Variants in IL21R observed in about 807,000 individuals in gnomAD.
IL21R encodes the protein interleukin 21 receptor, also known as interleukin-21 receptor.
IL21R carries 14 observed loss-of-function variants against 41.3 expected under a neutral mutation model. The observed-to-expected ratio is 0.34, with a 90% CI of 0.22 to 0.53. The LOEUF (loss-of-function observed/expected upper bound fraction) is 0.53. Ranked by LOEUF, IL21R falls within the 20% of genes least tolerant of loss-of-function variation. The pLI is 0.94. For missense variants in IL21R, 588 were observed against 681.6 expected (o/e 0.86, Z 1.53); for synonymous variants, 286 against 287.6 (o/e 0.99, Z 0.05).
At chr16:27,431,583 C>T (rs560447225) in intron 2 of IL21R, among the ~76,000 whole-genome samples, 3 of 152,106 alleles carry the variant, frequency 2.0e-5, no homozygotes, top group Admixed American at 2.0e-4. Flanking sequence ...TTACTGCTCG[C>T]AGTTCTGGAG....
In IL21R at chr16:27,450,438, C is replaced by T. The variant is rs907031933; in HGVS notation, c.*1155C>T. Reference sequence around the variant, plus strand: ...CTGGGCCCCCTACCCTGCCCCAATTCAATCCTGCCAATAAATCCTGTCTTA... The same window carrying T: ...CTGGGCCCCCTACCCTGCCCCAATTTAATCCTGCCAATAAATCCTGTCTTA... On this transcript the variant is annotated 3_prime_UTR_variant, in exon 9 of 9. Coordinates refer to ENST00000337929, the MANE Select transcript of IL21R (RefSeq NM_181078.3). 1 of 231,626 alleles carries T rather than the reference C, an allele frequency of 4.3e-6. No individual in the cohort carries two copies. Among genetic ancestry groups the T allele is most frequent in the African/African-American group, 2.2e-5 (1 of 45,320 alleles). The allele number at this position is 231,626 out of a possible 1,614,324, so 14.3% of individuals were successfully genotyped here. A position where few individuals can be genotyped will look rare whatever the true frequency, so the allele number is the denominator to read the frequency against.
Position 27,408,126 on chromosome 16 carries a change from C to A in IL21R, c.-17+5508C>A, listed in dbSNP as rs374040961. Among the ~76,000 whole-genome samples, 9 of 152,238 alleles carry A rather than the reference C, an allele frequency of 5.9e-5. 1 individual carries two copies. Among genetic ancestry groups the A allele is most frequent in the East Asian group, 3.9e-4 (2 of 5,182 alleles). On this transcript the variant is annotated intron_variant, in intron 1 of 8. Transcript: ENST00000337929. ...ACACTGTCCCTGCCTAGATGGTGCC[C>A]AGAATATAGATGAAAACACCATGAG...
intron 1 of IL21R, among the ~76,000 whole-genome samples, chr16:27,417,120 T>C (rs528439406): frequency 6.6e-6 from 1 of 152,172 alleles, no homozygotes; most frequent in African/African-American, 2.4e-5. Flanking sequence ...TCTGGACATA[T>C]ATCCGCAATT....
At chr16:27,436,154 G>A (rs1044816357) in intron 3 of IL21R, among the ~76,000 whole-genome samples, 2 of 152,106 alleles carry the variant, frequency 1.3e-5, no homozygotes, top group East Asian at 1.9e-4. Context: ...TTGAGACCCC[G>A]GGATGGCCGG....
intron 1 of IL21R, among the ~76,000 whole-genome samples, chr16:27,427,979 ATATTAAAATATG>A (rs1451034817): frequency 6.6e-6 from 1 of 152,262 alleles, no homozygotes; most frequent in African/African-American, 2.4e-5. Flanking sequence ...TATAGAAAAT[ATATTAAAATATG>A]TATTAAAATA....
At chr16:27,439,233 C>T (rs1378136953) in intron 4 of IL21R, among the ~76,000 whole-genome samples, 4 of 152,030 alleles carry the variant, frequency 2.6e-5, no homozygotes, top group Non-Finnish European at 4.4e-5. Flanking sequence ...CACGCACACA[C>T]AGACTCATAG....
At chr16:27,444,813 G>A (rs2087449469) in intron 6 of IL21R, 94 bp downstream of exon 6, 4 of 1,168,980 alleles carry the variant, frequency 3.4e-6, no homozygotes, top group Middle Eastern at 4.3e-4. Context: ...GCACAGCTGG[G>A]AGGTATTCAG....
At chr16:27,406,978 T>A (rs1009908665) in intron 1 of IL21R, among the ~76,000 whole-genome samples, 1 of 152,230 alleles carries the variant, frequency 6.6e-6, no homozygotes, top group Non-Finnish European at 1.5e-5. Context: ...CTCTGAAAGT[T>A]CCTTGTTACT....
rs369748757 is a variant in IL21R at position 27,418,332 on chromosome 16, C to T, written c.-16-11724C>T. 5.3e-5 allele frequency among the ~76,000 whole-genome samples: 8 copies of T among 150,628 alleles called. No individual in the cohort carries two copies. The East Asian group carries it at 7.9e-4, about 15-fold the overall frequency. ...ATCTGCCCGTCTCGCCCTTCCAAAG[C>T]GCTGGGATTACAGGCGTAAGCTACC... On this transcript the variant is annotated intron_variant, in intron 1 of 8. Coordinates refer to ENST00000337929, the MANE Select transcript of IL21R (RefSeq NM_181078.3).
intron 2 of IL21R, among the ~76,000 whole-genome samples, chr16:27,433,497 T>A (rs891722466): frequency 2.9e-4 from 44 of 152,104 alleles, no homozygotes; most frequent in African/African-American, 1.1e-3. Context: ...AAGTTTCTAG[T>A]AAATAGCAGC....
At chr16:27,428,607 T>C (rs1011593328) in intron 1 of IL21R, among the ~76,000 whole-genome samples, 1 of 152,242 alleles carries the variant, frequency 6.6e-6, no homozygotes, top group Non-Finnish European at 1.5e-5. Context: ...GACACAGAGC[T>C]GGTGGGTGAA....
intron 7 of IL21R, among the ~76,000 whole-genome samples, 186 bp from the exon 8 acceptor site, chr16:27,445,821 G>A (rs1477751933): frequency 1.3e-5 from 2 of 152,206 alleles, no homozygotes; most frequent in East Asian, 3.8e-4. Context: ...TCAGGAGCCT[G>A]TGAGGGAGAC....
intron 2 of IL21R, among the ~76,000 whole-genome samples, chr16:27,431,324 A>G (rs886064842): frequency 6.6e-6 from 1 of 152,208 alleles, no homozygotes; most frequent in African/African-American, 2.4e-5. Flanking sequence ...TGCAGATAAC[A>G]AGCCCTGGCT....
chr16:27,414,073 G>GCACC (rs1240200548), intron 1 of IL21R, among the ~76,000 whole-genome samples: 1 of 151,440 alleles, frequency 6.6e-6, no homozygotes, highest in African/African-American at 2.4e-5. Flanking sequence ...ATGTTAATTA[G>GCACC]CACCTCTAGT....
rs1249251835 is a variant in IL21R, at chr16:27,450,099, C to T, written c.*816C>T. ...CTTCTGCGGCCAGAGCCGAGGCGGG[C>T]GGGGGTGAGAACATCAATCGTCAGC... On this transcript the variant is annotated 3_prime_UTR_variant, in exon 9 of 9. Coordinates refer to ENST00000337929, the MANE Select transcript of IL21R (RefSeq NM_181078.3). The T allele has an allele frequency of 1.7e-5, 4 of 232,458 alleles. No individual in the cohort carries two copies. Among genetic ancestry groups the T allele is most frequent in the East Asian group, 6.0e-5 (1 of 16,538 alleles). 14.4% of individuals were successfully genotyped at this position (232,458 alleles called of 1,614,324 possible).
intron 1 of IL21R, among the ~76,000 whole-genome samples, chr16:27,404,685 A>G (rs1329868453): frequency 6.6e-6 from 1 of 152,154 alleles, no homozygotes; most frequent in Non-Finnish European, 1.5e-5. Context: ...GGGAACTGGA[A>G]CTGGCTTCCC....
intron 1 of IL21R, among the ~76,000 whole-genome samples, chr16:27,410,354 T>C (rs542531088): frequency 5.3e-5 from 8 of 152,190 alleles, no homozygotes; most frequent in Admixed American, 4.6e-4. Context: ...AAAAGTCTTG[T>C]ACATCTTTCA....
intron 1 of IL21R, among the ~76,000 whole-genome samples, chr16:27,425,321 G>A (rs950496995): frequency 6.6e-6 from 1 of 152,220 alleles, no homozygotes; most frequent in African/African-American, 2.4e-5. Context: ...TGGAATTAGG[G>A]TAGGCCCCAT....
chr16:27,431,411 T>C (rs540535558), intron 2 of IL21R, among the ~76,000 whole-genome samples: 75 of 152,168 alleles, frequency 4.9e-4, no homozygotes, highest in African/African-American at 1.8e-3. Context: ...TGACGCCCAG[T>C]TTTTTGGCTG....
Sources: allele counts gnomAD v4.1 joint callset (sites outside exome capture counted in the v4.1 genomes callset), GRCh38; gene constraint gnomAD v4.1.1; transcripts MANE v1.5; gene names NCBI Gene and HGNC (gene_info 2026-07-23, HGNC 2026-07-21).